Variants in SORL1 observed in about 807,000 individuals in gnomAD.
SORL1 encodes sortilin related receptor 1.
Under a neutral mutation model 273.7 loss-of-function variants are expected in SORL1, and 127 were observed. The observed-to-expected ratio is 0.46, with a 90% CI of 0.40 to 0.54. The LOEUF (loss-of-function observed/expected upper bound fraction) is 0.54, where lower values mean the gene tolerates loss of function less well. SORL1 is among the 20% of genes least tolerant of loss of function. The pLI, the probability that SORL1 is intolerant of heterozygous loss-of-function variation, is 0.00. For missense variants in SORL1, 2,494 were observed against 2,846.1 expected, an observed-to-expected ratio of 0.88 and a Z score of 2.81; for synonymous variants, 1,031 against 1,067.4, an observed-to-expected ratio of 0.97 and a Z score of 0.66.
chr11:121,618,340 A>G (rs773430625), intron 41 of SORL1, among the ~76,000 whole-genome samples: 1 of 151,902 alleles, frequency 6.6e-6, no homozygotes. Context: ...CCACTGTGCA[A>G]GCTCCCATGG....
At position 121,500,199 on chromosome 11, in the gene SORL1, C is replaced by G. The variant is rs75494682; in HGVS notation, c.939+3150C>G. Among the ~76,000 whole-genome samples, 1,078 of 152,324 alleles carry G rather than the reference C, an allele frequency of 7.1e-3. 12 individuals carry two copies. The highest frequency in any genetic ancestry group is 7.1e-3 in the Non-Finnish European group (482 of 68,042). The stretch of plus-strand genomic sequence containing the variant: ...GTAATATACAACTGTTAGGCTCTTT[C>G]AGTAGATAACAGTAATTGCTGAAAA... On this transcript the variant is annotated intron_variant, in intron 6 of 47. Coordinates refer to ENST00000260197, the MANE Select transcript of SORL1 (RefSeq NM_003105.6).
intron 25 of SORL1, among the ~76,000 whole-genome samples, chr11:121,582,779 G>A (rs1466903778): frequency 6.6e-6 from 1 of 152,140 alleles, no homozygotes; most frequent in Non-Finnish European, 1.5e-5. Context: ...CAAGTTCTTA[G>A]GCCTGCTTTC....
intron 27 of SORL1, among the ~76,000 whole-genome samples, chr11:121,586,973 T>C (rs1863125598): frequency 6.6e-6 from 1 of 152,074 alleles, no homozygotes; most frequent in Admixed American, 6.5e-5. Flanking sequence ...GTGCAGGGAG[T>C]GGCAAACTAG....
chr11:121,461,589 T>C (rs1861002041), intron 1 of SORL1, among the ~76,000 whole-genome samples: 1 of 152,212 alleles, frequency 6.6e-6, no homozygotes, highest in Non-Finnish European at 1.5e-5. Flanking sequence ...TTCTGGGATG[T>C]AATGTTTACA....
Position 121,550,153 on chromosome 11 carries a change from G to T in SORL1, c.2180+65G>T. The T allele has an allele frequency of 9.1e-6, 14 of 1,531,326 alleles. No individual in the cohort carries two copies. Among genetic ancestry groups the T allele is most frequent in the Non-Finnish European group, 1.2e-5 (14 of 1,132,128 alleles). The allele number at this position is 1,531,326 out of a possible 1,614,324, so 94.9% of individuals were successfully genotyped here. A position where few individuals can be genotyped will look rare whatever the true frequency, so the allele number is the denominator to read the frequency against. On this transcript the variant is annotated intron_variant, in intron 15 of 47. Transcript: ENST00000260197. The surrounding 1 kb of genome is among the most constrained non-coding windows in gnomAD (Gnocchi z 5.3). ...TCCGCACATGGAGCGAGAGAGCATA[G>T]AGGACCGTCTGGATTGCTCTACACT... is the stretch of plus-strand genomic sequence containing the variant.
chr11:121,484,626 G>A (rs1032077789), intron 3 of SORL1, among the ~76,000 whole-genome samples: 31 of 152,028 alleles, frequency 2.0e-4, no homozygotes, highest in African/African-American at 7.2e-4. Flanking sequence ...GGAAAGTTTT[G>A]AAGAACTCAA....
In SORL1 at chr11:121,532,530, G is replaced by T; in HGVS notation, c.1663G>T (p.Gly555Cys). 6.2e-7 allele frequency: 1 copy of T among 1,614,012 alleles called. No individual in the cohort carries two copies. The highest frequency in any genetic ancestry group is 8.5e-7 in the Non-Finnish European group (1 of 1,179,962). ...CGGAATCATCACGGCCATTGCCCAG[G>T]GCATGGAAACCAACGAGCTAAAGTA... Reference protein sequence around the residue: ...HGGIITAIAQGMETNELKYST... With the variant: ...HGGIITAIAQCMETNELKYST... Residue 555 changes from glycine (G) to cysteine (C), a missense_variant, in exon 12 of 48, where the codon GGC becomes TGC. Around this residue, in one of 3 missense-constraint regions of SORL1, gnomAD observed 710 missense variants for 882.5 expected, o/e 0.80. Transcript: ENST00000260197.
At chr11:121,467,069 G>A (rs539849630) in intron 1 of SORL1, among the ~76,000 whole-genome samples, 222 of 119,002 alleles carry the variant, frequency 1.9e-3, no homozygotes, top group Admixed American at 4.9e-3. Context: ...TCGCTCTGTT[G>A]CCCAGGCTGG....
At position 121,522,984 on chromosome 11, in the gene SORL1, C is replaced by T. The variant is rs756745029; in HGVS notation, c.1591C>T (p.Arg531Ter). Residue 531 changes from arginine (R) to a stop codon, truncating the protein, a stop_gained, in exon 11 of 48, where the codon CGA becomes TGA. Coordinates refer to ENST00000260197, the MANE Select transcript of SORL1 (RefSeq NM_003105.6). LOFTEE classifies it high-confidence loss of function. Reference sequence around the variant, plus strand: ...CTCTAGCAGTGCTGGAGCCAGGTGGCGAGAGGTCAGCCCCCTCCCCCAATC... The same window carrying T: ...CTCTAGCAGTGCTGGAGCCAGGTGGTGAGAGGTCAGCCCCCTCCCCCAATC... ...YISSSAGARW[R>*]EALPGPHYYT... 2.5e-6 allele frequency: 4 copies of T among 1,611,176 alleles called. No individual in the cohort carries two copies. Among genetic ancestry groups the T allele is most frequent in the Non-Finnish European group, 3.4e-6 (4 of 1,177,400 alleles).
intron 32 of SORL1, among the ~76,000 whole-genome samples, chr11:121,599,271 G>A (rs907648099): frequency 3.9e-5 from 6 of 152,164 alleles, no homozygotes; most frequent in Non-Finnish European, 5.9e-5. Flanking sequence ...TAGGCCAGGC[G>A]CGGTGGCTCA....
At chr11:121,475,747 T>TA (rs1861256995) in intron 2 of SORL1, among the ~76,000 whole-genome samples, 1 of 152,228 alleles carries the variant, frequency 6.6e-6, no homozygotes, top group Admixed American at 6.5e-5. Flanking sequence ...CATAGTTTTG[T>TA]CTCTTACTAG....
rs767507813 is a variant in SORL1 at position 121,545,426 on chromosome 11, A to T, written c.2048A>T (p.Glu683Val). 5 of 1,613,752 alleles carry T rather than the reference A, an allele frequency of 3.1e-6. No individual in the cohort carries two copies. The African/African-American group carries it at 6.7e-5, about 22-fold the overall frequency. Reference sequence around the variant, plus strand: ...TGCTCCTGCACCCGGGAGGACTATGAGTGGTCAGTTCTTCTTTGATGGCTG... The same window carrying T: ...TGCTCCTGCACCCGGGAGGACTATGTGTGGTCAGTTCTTCTTTGATGGCTG... ...SNCSCTREDY[E>V]CDFGFKMSED... is the part of the protein sequence containing the mutation. The change falls in exon 14 of 48, where the codon GAG becomes GTG. Residue 683 changes from glutamate to valine, a missense_variant. Glu to Val is a moderately radical substitution (Grantham distance 121). This residue lies in a region of SORL1 where 710 missense variants were observed against 882.5 expected (regional missense o/e 0.80). Transcript: ENST00000260197.
chr11:121,551,711 C>T (rs1044025396), intron 16 of SORL1, among the ~76,000 whole-genome samples: 2 of 152,184 alleles, frequency 1.3e-5, no homozygotes, highest in Non-Finnish European at 2.9e-5. Flanking sequence ...CAGGGCAGGG[C>T]AGCCCTCTCT....
intron 11 of SORL1, 106 bp from the exon 12 acceptor site, chr11:121,532,358 C>A: frequency 1.1e-6 from 1 of 920,862 alleles, no homozygotes; most frequent in Non-Finnish European, 1.7e-6. Flanking sequence ...GTTGTCATTG[C>A]TGTTATGTCT....
intron 28 of SORL1, among the ~76,000 whole-genome samples, chr11:121,588,685 A>C (rs1425553144): frequency 2.6e-5 from 4 of 152,188 alleles, no homozygotes; most frequent in Non-Finnish European, 5.9e-5. Flanking sequence ...CTGCTGTAGC[A>C]GAGTACCACA....
chr11:121,601,053 C>G (rs1409516186), intron 32 of SORL1, among the ~76,000 whole-genome samples: 2 of 121,912 alleles, frequency 1.6e-5, no homozygotes, highest in South Asian at 3.3e-4. Context: ...CCCCTCCCCC[C>G]ACCCCACAAC....
chr11:121,539,590 A>T (rs1192674415), intron 12 of SORL1, among the ~76,000 whole-genome samples: 1 of 151,976 alleles, frequency 6.6e-6, no homozygotes, highest in Non-Finnish European at 1.5e-5. Flanking sequence ...CTTGATAAAG[A>T]TAAAAGCAAA....
At chr11:121,477,148 A>G (rs1246791186) in intron 2 of SORL1, among the ~76,000 whole-genome samples, 5 of 152,166 alleles carry the variant, frequency 3.3e-5, no homozygotes, top group East Asian at 1.9e-4. Context: ...TTGAAAAATA[A>G]CTAAGTTATT....
chr11:121,587,122 G>A (rs1863128214), intron 27 of SORL1, among the ~76,000 whole-genome samples: 1 of 152,204 alleles, frequency 6.6e-6, no homozygotes, highest in South Asian at 2.1e-4. Flanking sequence ...GACAGAGTCT[G>A]TATGACCTGA....
Sources: allele counts gnomAD v4.1 joint callset (sites outside exome capture counted in the v4.1 genomes callset), GRCh38; gene constraint gnomAD v4.1.1; regional missense constraint gnomAD v4.1.1; non-coding constraint Gnocchi (gnomAD v3.1); transcripts MANE v1.5; gene names NCBI Gene and HGNC (gene_info 2026-07-23, HGNC 2026-07-21).